Variants in SNX7 observed in about 807,000 individuals in gnomAD.
SNX7 encodes sorting nexin-7.
In SNX7, 35 loss-of-function variants were observed where a neutral mutation model predicts 48.4. That is an observed-to-expected ratio of 0.72 (90% CI 0.55 to 0.96). The LOEUF is 0.96. Among genes scored for constraint, SNX7 ranks in the 40% least tolerant of loss-of-function variants. SNX7 has a pLI of 0.00. For missense variants in SNX7, 553 were observed against 548.9 expected (o/e 1.01, Z -0.07); for synonymous variants, 190 against 190.2 (o/e 1.00, Z 0.01).
intron 1 of SNX7, among the ~76,000 whole-genome samples, chr1:98,669,646 A>T (rs1448939221): frequency 6.6e-6 from 1 of 152,198 alleles, no homozygotes; most frequent in African/African-American, 2.4e-5. Flanking sequence ...TCCACCGTAC[A>T]ATTTGAGAAG....
chr1:98,733,040 A>G (rs1251772547), intron 7 of SNX7, among the ~76,000 whole-genome samples: 1 of 152,116 alleles, frequency 6.6e-6, no homozygotes, highest in Non-Finnish European at 1.5e-5. Flanking sequence ...AGTGTAGCAA[A>G]GTGTTATTGG....
At chr1:98,739,791 A>G (rs958964928) in intron 8 of SNX7, among the ~76,000 whole-genome samples, 3 of 152,226 alleles carry the variant, frequency 2.0e-5, no homozygotes, top group Non-Finnish European at 2.9e-5. Flanking sequence ...TTTTGGAGGA[A>G]GAAGGAGTGA....
chr1:98,666,347 C>T (rs1008539909), intron 1 of SNX7, among the ~76,000 whole-genome samples: 4 of 152,160 alleles, frequency 2.6e-5, no homozygotes, highest in African/African-American at 9.7e-5. Flanking sequence ...AGACCTGGAG[C>T]TGTGGAGATG....
intron 6 of SNX7, 106 bp downstream of exon 6, chr1:98,699,011 C>A: frequency 9.3e-7 from 1 of 1,074,056 alleles, no homozygotes; most frequent in Non-Finnish European, 1.4e-6. Context: ...TTTGTCCTAG[C>A]AGGTTGTTTT....
At chr1:98,668,331 A>C (rs1649655904) in intron 1 of SNX7, among the ~76,000 whole-genome samples, 1 of 152,182 alleles carries the variant, frequency 6.6e-6, no homozygotes, top group Non-Finnish European at 1.5e-5. Context: ...GTAAATTTGA[A>C]CTCTCCATGC....
At chr1:98,690,998 C>G in intron 2 of SNX7, 77 bp from the exon 3 acceptor site, 1 of 817,026 alleles carries the variant, frequency 1.2e-6, no homozygotes, top group Non-Finnish European at 1.8e-6. Context: ...ATTTATTTCA[C>G]AATGTCTAAA....
intron 7 of SNX7, among the ~76,000 whole-genome samples, chr1:98,724,277 C>G (rs962926999): frequency 3.9e-5 from 6 of 151,924 alleles, no homozygotes; most frequent in Admixed American, 3.9e-4. Context: ...CCCACTCTGG[C>G]CATTGCTGGG....
intron 7 of SNX7, among the ~76,000 whole-genome samples, chr1:98,737,727 A>C (rs567859402): frequency 1.3e-5 from 2 of 152,258 alleles, no homozygotes; most frequent in South Asian, 4.2e-4. Flanking sequence ...TAGAGTTTGC[A>C]GGTTAATCCC....
chr1:98,686,705 C>T (rs1317841175), intron 2 of SNX7, among the ~76,000 whole-genome samples: 1 of 151,998 alleles, frequency 6.6e-6, no homozygotes, highest in Non-Finnish European at 1.5e-5. Flanking sequence ...ATTTAATTAA[C>T]CTCTCTATAT....
intron 7 of SNX7, among the ~76,000 whole-genome samples, chr1:98,733,494 C>A (rs910571093): frequency 6.6e-6 from 1 of 152,130 alleles, no homozygotes; most frequent in Non-Finnish European, 1.5e-5. Context: ...TTGCCTGCCT[C>A]TCTGTCCTTT....
At chr1:98,743,356 T>C (rs1352082508) in intron 8 of SNX7, among the ~76,000 whole-genome samples, 2 of 141,470 alleles carry the variant, frequency 1.4e-5, no homozygotes, top group African/African-American at 5.1e-5. Flanking sequence ...TTTTTTCTAA[T>C]GGTGAAGTAT....
rs905993831 is a variant in SNX7 at position 98,695,637 on chromosome 1, G to A, written c.759G>A (p.Met253Ile). 1.2e-6 allele frequency: 2 copies of A among 1,612,314 alleles called. No individual in the cohort carries two copies. The highest frequency in any genetic ancestry group is 8.5e-7 in the Non-Finnish European group (1 of 1,178,398). ...VKNRPEEFME[M>I]NNFIELFSQK... ...ACCGCCCAGAGGAGTTCATGGAAAT[G>A]AATAACTTTATTGAACTATTTAGCC... Residue 253 changes from methionine (M) to isoleucine (I), a missense_variant, in exon 5 of 9, where the codon ATG (methionine) becomes ATA (isoleucine). By Grantham distance (10) the Met-to-Ile change is conservative. Transcript: ENST00000306121.
chr1:98,670,280 GA>G (rs1304816527), intron 1 of SNX7, among the ~76,000 whole-genome samples: 2 of 151,722 alleles, frequency 1.3e-5, no homozygotes, highest in Non-Finnish European at 2.9e-5. Flanking sequence ...TCTTTTACTT[GA>G]AAAAAAACCA....
intron 7 of SNX7, among the ~76,000 whole-genome samples, chr1:98,704,273 A>T (rs1055798544): frequency 6.6e-6 from 1 of 152,154 alleles, no homozygotes; most frequent in African/African-American, 2.4e-5. Flanking sequence ...TGAAACTTTA[A>T]TTATCTGCAT....
At chr1:98,759,783 AT>A (rs1247741512) in intron 8 of SNX7, among the ~76,000 whole-genome samples, 11 of 152,136 alleles carry the variant, frequency 7.2e-5, no homozygotes, top group South Asian at 2.1e-4. Flanking sequence ...TGAAGCTCTT[AT>A]TTTTCTCTTA....
chr1:98,693,170 G>GCA (rs1156753730), intron 4 of SNX7, among the ~76,000 whole-genome samples: 6 of 73,318 alleles, frequency 8.2e-5, no homozygotes, highest in African/African-American at 3.0e-4. Context: ...ATGGATGAAT[G>GCA]GAGATGGATG....
chr1:98,746,908 T>A (rs574494548), intron 8 of SNX7, among the ~76,000 whole-genome samples: 1 of 152,206 alleles, frequency 6.6e-6, no homozygotes, highest in South Asian at 2.1e-4. Flanking sequence ...CCAAAGTTAG[T>A]TTGAATAAGA....
Position 98,691,199 on chromosome 1 carries a change from A to AT in SNX7, c.474+24dup, listed in dbSNP as rs35340861. 2.0e-3 allele frequency: 3,016 copies of AT among 1,489,958 alleles called. No individual in the cohort carries two copies. Among genetic ancestry groups the AT allele is most frequent in the South Asian group, 3.5e-3 (274 of 77,384 alleles). The allele number at this position is 1,489,958 out of a possible 1,614,324, so 92.3% of individuals were successfully genotyped here. On this transcript the variant is annotated intron_variant, in intron 3 of 8. Transcript: ENST00000306121. ...CTGATTATTCCAGTAAGTTTGCAAA[A>AT]TTTTTTTTTTCATAGAATAGCTACC...
At chr1:98,713,094 G>T in intron 7 of SNX7, among the ~76,000 whole-genome samples, 1 of 129,860 alleles carries the variant, frequency 7.7e-6, no homozygotes, top group East Asian at 2.3e-4. Context: ...TCTGTCTCAG[G>T]AAAAAAAAAA....
Sources: allele counts gnomAD v4.1 joint callset (sites outside exome capture counted in the v4.1 genomes callset), GRCh38; gene constraint gnomAD v4.1.1; transcripts MANE v1.5; gene names NCBI Gene and HGNC (gene_info 2026-07-23, HGNC 2026-07-21).